Variants in PTGFRN observed in about 807,000 individuals in gnomAD.
PTGFRN encodes the protein prostaglandin F2 receptor inhibitor.
Under a neutral mutation model 83.2 loss-of-function variants are expected in PTGFRN, and 35 were observed. The observed-to-expected ratio is 0.42, with a 90% confidence interval of 0.32 to 0.56. The LOEUF is 0.56. PTGFRN is among the 20% of genes least tolerant of loss of function. The pLI is 0.11. For missense variants in PTGFRN, 1,051 were observed against 1,179.5 expected (o/e 0.89, Z 1.60); for synonymous variants, 519 against 498.6 (o/e 1.04, Z -0.55).
intron 1 of PTGFRN, among the ~76,000 whole-genome samples, chr1:116,915,236 T>A (rs1443635019): frequency 6.6e-6 from 1 of 152,134 alleles, no homozygotes; most frequent in East Asian, 1.9e-4. Context: ...AATAGGAGGA[T>A]CCAGGGTTAG....
intron 7 of PTGFRN, among the ~76,000 whole-genome samples, chr1:116,976,143 TG>T (rs1651150008): frequency 6.6e-6 from 1 of 152,018 alleles, no homozygotes; most frequent in African/African-American, 2.4e-5. Flanking sequence ...ATCAAACGAA[TG>T]AAATGAAGCG....
chr1:116,914,873 C>T (rs1649362499), intron 1 of PTGFRN, among the ~76,000 whole-genome samples: 2 of 151,914 alleles, frequency 1.3e-5, no homozygotes, highest in Admixed American at 1.3e-4. Context: ...AGCTTCTGTA[C>T]AAGGCTCTGC....
At chr1:116,981,958 A>G (rs1384377531) in intron 7 of PTGFRN, among the ~76,000 whole-genome samples, 1 of 152,284 alleles carries the variant, frequency 6.6e-6, no homozygotes, top group East Asian at 1.9e-4. Context: ...TTAGAAAAGG[A>G]AAAGAAACAA....
chr1:116,917,043 C>T (rs1230354890), intron 1 of PTGFRN, among the ~76,000 whole-genome samples: 2 of 151,998 alleles, frequency 1.3e-5, no homozygotes, highest in Admixed American at 6.6e-5. Context: ...GGAAGCCAAG[C>T]AGAGATGGGT....
chr1:116,910,789 A>G (rs1424936987), intron 1 of PTGFRN, among the ~76,000 whole-genome samples: 2 of 152,170 alleles, frequency 1.3e-5, no homozygotes, highest in African/African-American at 4.8e-5. Flanking sequence ...CCGGAGCGTT[A>G]CAATGGAAAT....
In PTGFRN at chr1:116,923,531, T is replaced by C. The variant is rs75557427; in HGVS notation, c.49+13279T>C. 0.016 allele frequency among the ~76,000 whole-genome samples: 2,449 copies of C among 152,304 alleles called. 61 individuals are homozygous for C. The highest frequency in any genetic ancestry group is 0.056 in the African/African-American group (2,329 of 41,558). On this transcript the variant is annotated intron_variant, in intron 1 of 8. Transcript: ENST00000393203. The surrounding 1 kb of genome is among the most constrained non-coding windows in gnomAD (Gnocchi z 4.0). ...ACAGATGACTCATGAGTTCTCATTA[T>C]TGTTTCTCCACTGCCTCCACCCCTT... is the stretch of plus-strand genomic sequence containing the variant.
At chr1:116,986,754 C>G in intron 8 of PTGFRN, 47 bp from the exon 9 acceptor site, 1 of 1,590,622 alleles carries the variant, frequency 6.3e-7, no homozygotes, top group Non-Finnish European at 8.6e-7. Context: ...CCAAAGCGGC[C>G]TCCCTCGCAG....
intron 1 of PTGFRN, among the ~76,000 whole-genome samples, chr1:116,934,827 A>T (rs1649881852): frequency 1.3e-5 from 2 of 152,178 alleles, no homozygotes; most frequent in Non-Finnish European, 2.9e-5. Flanking sequence ...AGGCCAGTAG[A>T]GTAAGAGAAG....
chr1:116,972,131 T>C (rs1321484468), intron 6 of PTGFRN, among the ~76,000 whole-genome samples: 2 of 152,152 alleles, frequency 1.3e-5, no homozygotes, highest in Admixed American at 6.5e-5. Context: ...CTGCCCCACC[T>C]CACTGCTCCA....
In PTGFRN at chr1:116,961,142, A is replaced by T; in HGVS notation, c.1214-101A>T. ...CTCTAGTCCGGCAGGAGAAGCATTT[A>T]ATTGTTAAAACAAGAGCAGTCCTTG... is the stretch of plus-strand genomic sequence containing the variant. On this transcript the variant is annotated intron_variant, in intron 4 of 8. Transcript: ENST00000393203. The surrounding 1 kb of genome is among the most constrained non-coding windows in gnomAD (Gnocchi z 5.4). 8.2e-7 allele frequency: 1 copy of T among 1,225,564 alleles called. No homozygotes were observed. Among genetic ancestry groups the T allele is most frequent in the Non-Finnish European group, 1.1e-6 (1 of 911,854 alleles). The allele number at this position is 1,225,564 out of a possible 1,614,324, so 75.9% of individuals were successfully genotyped here.
At chr1:116,980,861 A>G (rs1651299776) in intron 7 of PTGFRN, among the ~76,000 whole-genome samples, 2 of 152,166 alleles carry the variant, frequency 1.3e-5, no homozygotes, top group African/African-American at 4.8e-5. Context: ...TAATAATAAT[A>G]AAAATATGCC....
At chr1:116,912,019 C>T (rs1262112443) in intron 1 of PTGFRN, among the ~76,000 whole-genome samples, 1 of 152,160 alleles carries the variant, frequency 6.6e-6, no homozygotes, top group Non-Finnish European at 1.5e-5. Flanking sequence ...TAGAGCTGTG[C>T]AGTTCTCTGA....
chr1:116,980,564 A>G (rs539789015), intron 7 of PTGFRN, among the ~76,000 whole-genome samples: 1 of 152,350 alleles, frequency 6.6e-6, no homozygotes, highest in South Asian at 2.1e-4. Context: ...AGGGACATGG[A>G]TGAAGCTGGA....
Position 116,941,300 on chromosome 1 carries a change from T to G in PTGFRN, c.50-415T>G, listed in dbSNP as rs1028915546. ...GTCTCAGGAGCCCCAGGGAATGGTCTCTAGGGATGAGGGCTGATGGCTGGG... is the reference window on the plus strand; with the variant it reads ...GTCTCAGGAGCCCCAGGGAATGGTCGCTAGGGATGAGGGCTGATGGCTGGG... On this transcript the variant is annotated intron_variant, in intron 1 of 8. Transcript: ENST00000393203. The surrounding 1 kb of genome is among the most constrained non-coding windows in gnomAD (Gnocchi z 5.0). Among the ~76,000 whole-genome samples the G allele has an allele frequency of 6.6e-6, 1 of 152,202 alleles. No homozygotes were observed. Among genetic ancestry groups the G allele is most frequent in the African/African-American group, 2.4e-5 (1 of 41,438 alleles).
At position 116,944,682 on chromosome 1, in the gene PTGFRN, T is replaced by C; in HGVS notation, c.422T>C (p.Leu141Pro). Reference protein sequence around the residue: ...NYEDTVQVKVLADSLHVGPSA... With the variant: ...NYEDTVQVKVPADSLHVGPSA... ...ACCTAGCTTTCTCTCTCCGCAGTGCTGGCCGACTCCCTGCACGTGGGCCCC... is the reference window on the plus strand; with the variant it reads ...ACCTAGCTTTCTCTCTCCGCAGTGCCGGCCGACTCCCTGCACGTGGGCCCC... Residue 141 changes from leucine to proline, a missense_variant, in exon 3 of 9, where the codon CTG becomes CCG. Around this residue, in one of 3 missense-constraint regions of PTGFRN, gnomAD observed 205 missense variants for 174.5 expected, o/e 1.17. Transcript: ENST00000393203. The C allele has an allele frequency of 1.4e-6, 2 of 1,424,626 alleles. No individual in the cohort carries two copies. Among genetic ancestry groups the C allele is most frequent in the Non-Finnish European group, 1.8e-6 (2 of 1,091,858 alleles). The allele number at this position is 1,424,626 out of a possible 1,614,324, so 88.2% of individuals were successfully genotyped here.
At position 116,941,988 on chromosome 1, in the gene PTGFRN, A is replaced by C; in HGVS notation, c.323A>C (p.Asn108Thr). Residue 108 changes from asparagine (N) to threonine (T), a missense_variant, in exon 2 of 9, where the codon AAC (asparagine) becomes ACC (threonine). Coordinates refer to ENST00000393203, the MANE Select transcript of PTGFRN (RefSeq NM_020440.4). This position sits in a 1 kb window ranked among gnomAD's most constrained non-coding sequence, Gnocchi z 5.0. ...GACGCCGTGGAGCTCCACATAAAGA[A>C]CGTCCAGCCTTCAGACCAAGGCCAC... ...ANDAVELHIK[N>T]VQPSDQGHYK... is the part of the protein sequence containing the mutation. 1 of 1,614,200 alleles carries C rather than the reference A, an allele frequency of 6.2e-7. No individual in the cohort carries two copies.
At chr1:116,911,902 TTA>T (rs1672531698) in intron 1 of PTGFRN, among the ~76,000 whole-genome samples, 1 of 152,186 alleles carries the variant, frequency 6.6e-6, no homozygotes, top group South Asian at 2.1e-4. Flanking sequence ...TTAATTGACT[TTA>T]TGTGTCTGGG....
intron 1 of PTGFRN, among the ~76,000 whole-genome samples, chr1:116,916,030 C>G (rs954821546): frequency 1.3e-5 from 2 of 152,246 alleles, no homozygotes; most frequent in African/African-American, 2.4e-5. Flanking sequence ...GAAGTTAACA[C>G]TGTCGTGTCC....
chr1:116,963,535 T>C (rs904528060), intron 5 of PTGFRN, among the ~76,000 whole-genome samples: 7 of 152,202 alleles, frequency 4.6e-5, no homozygotes, highest in African/African-American at 9.7e-5. Flanking sequence ...GTCAATGTGC[T>C]GTTAGATCCA....
Sources: allele counts gnomAD v4.1 joint callset (sites outside exome capture counted in the v4.1 genomes callset), GRCh38; gene constraint gnomAD v4.1.1; regional missense constraint gnomAD v4.1.1; non-coding constraint Gnocchi (gnomAD v3.1); transcripts MANE v1.5; gene names NCBI Gene and HGNC (gene_info 2026-07-23, HGNC 2026-07-21).